GNB1: variants seen among roughly 807,000 people sequenced by gnomAD.
GNB1 encodes the protein G protein subunit beta 1.
GNB1 carries 2 observed loss-of-function variants against 42.9 expected under a neutral mutation model. That is an observed-to-expected ratio of 0.05 (90% CI 0.02 to 0.15). The LOEUF (loss-of-function observed/expected upper bound fraction) is 0.15. Among genes scored for constraint, GNB1 ranks in the 10% least tolerant of loss-of-function variants. The pLI, the probability that GNB1 is intolerant of heterozygous loss-of-function variation, is 1.00. For synonymous variants in GNB1, 183 were observed against 174.7 expected (o/e 1.05, Z -0.38); for missense variants, 193 against 462.2 (o/e 0.42, Z 5.34).
chr1:1,841,744 C>T (rs147836418), intron 1 of GNB1, among the ~76,000 whole-genome samples: 16 of 152,258 alleles, frequency 1.1e-4, no homozygotes, highest in Admixed American at 3.3e-4. Flanking sequence ...CAAGCAAGCA[C>T]GTACTTTTCC....
chr1:1,845,788 T>C (rs932276834), intron 1 of GNB1, among the ~76,000 whole-genome samples: 7 of 146,424 alleles, frequency 4.8e-5, no homozygotes, highest in Non-Finnish European at 9.1e-5. Flanking sequence ...TCTCTATACA[T>C]TTATTCCGCT....
chr1:1,874,361 C>A (rs1457431199), intron 1 of GNB1, among the ~76,000 whole-genome samples: 1 of 151,980 alleles, frequency 6.6e-6, no homozygotes, highest in Non-Finnish European at 1.5e-5. Context: ...GTAATCCTAG[C>A]ACTTTGGGAG....
At chr1:1,814,447 G>A (rs1318270085) in intron 5 of GNB1, among the ~76,000 whole-genome samples, 1 of 152,194 alleles carries the variant, frequency 6.6e-6, no homozygotes, top group African/African-American at 2.4e-5. Context: ...CTAAATCAGA[G>A]TGTGGGGTCA....
intron 7 of GNB1, among the ~76,000 whole-genome samples, chr1:1,802,851 T>G (rs934374341): frequency 2.0e-5 from 3 of 151,954 alleles, no homozygotes; most frequent in African/African-American, 2.4e-5. Flanking sequence ...TTTAAGTGAT[T>G]CTATTTGAAA....
At chr1:1,879,572 G>A (rs1200552079) in intron 1 of GNB1, among the ~76,000 whole-genome samples, 1 of 152,026 alleles carries the variant, frequency 6.6e-6, no homozygotes, top group Non-Finnish European at 1.5e-5. Flanking sequence ...AGGCGTGGTG[G>A]CAGGCACCTG....
intron 2 of GNB1, among the ~76,000 whole-genome samples, chr1:1,826,545 A>G (rs1041494462): frequency 3.3e-5 from 5 of 152,182 alleles, no homozygotes; most frequent in African/African-American, 1.2e-4. Flanking sequence ...CATCTCAGTA[A>G]CCATGAACCG....
intron 1 of GNB1, among the ~76,000 whole-genome samples, chr1:1,849,954 A>T (rs571423379): frequency 6.6e-6 from 1 of 151,900 alleles, no homozygotes; most frequent in Non-Finnish European, 1.5e-5. Context: ...AGTTTGCTAT[A>T]GTCTCACAAC....
intron 2 of GNB1, 145 bp downstream of exon 2, chr1:1,839,045 C>T (rs1390983058): frequency 1.3e-5 from 2 of 152,192 alleles, no homozygotes; most frequent in Admixed American, 1.3e-4. Context: ...CCCTTGACCC[C>T]AGGAGTTAGA....
At chr1:1,791,326 C>G (rs1211453180) in intron 8 of GNB1, among the ~76,000 whole-genome samples, 1 of 152,162 alleles carries the variant, frequency 6.6e-6, no homozygotes, top group Non-Finnish European at 1.5e-5. Context: ...CATGCGCCAC[C>G]ATGCCCGGCT....
Position 1,790,293 on chromosome 1 carries a change from C to A in GNB1, c.699+102G>T. ...TCTGTACATGAGGTTGTATAAGGAT[C>A]AGAAAGGAGAACATCTAATCCAGAA... On this transcript the variant is annotated intron_variant, in intron 9 of 11. Transcript: ENST00000378609. The surrounding 1 kb of genome is among the most constrained non-coding windows in gnomAD (Gnocchi z 5.4). 1 of 779,890 alleles carries A rather than the reference C, an allele frequency of 1.3e-6. No homozygotes were observed. The highest frequency in any genetic ancestry group is 2.2e-6 in the Non-Finnish European group (1 of 453,846). The allele number at this position is 779,890 out of a possible 1,614,324, so 48.3% of individuals were successfully genotyped here.
At position 1,811,979 on chromosome 1, in the gene GNB1, T is replaced by C. The variant is rs565730996; in HGVS notation, c.203+3777A>G. Among the ~76,000 whole-genome samples the C allele has an allele frequency of 2.0e-5, 3 of 151,346 alleles. 1 individual carries two copies. In the South Asian group the frequency reaches 6.3e-4, roughly 32 times the overall value. ...TACTCGGGAGGCTGAGGCAGGAGAATGGCGTGAACCTGGGAGGCAGAGCTT... is the reference window on the plus strand; with the variant it reads ...TACTCGGGAGGCTGAGGCAGGAGAACGGCGTGAACCTGGGAGGCAGAGCTT... On this transcript the variant is annotated intron_variant, in intron 5 of 11. Coordinates refer to ENST00000378609, the MANE Select transcript of GNB1 (RefSeq NM_002074.5).
At chr1:1,865,994 A>C (rs1004627199) in intron 1 of GNB1, among the ~76,000 whole-genome samples, 7 of 151,780 alleles carry the variant, frequency 4.6e-5, no homozygotes, top group African/African-American at 9.7e-5. Context: ...GCTGGAGTAC[A>C]ATGGCGCAAC....
At chr1:1,876,492 CGAGAGAGA>C (rs35226472) in intron 1 of GNB1, among the ~76,000 whole-genome samples, 1 of 147,832 alleles carries the variant, frequency 6.8e-6, no homozygotes, top group South Asian at 2.1e-4. Context: ...CATGTGCACA[CGAGAGAGA>C]GAGAGAGAGA....
At chr1:1,857,967 C>G (rs779439669) in intron 1 of GNB1, among the ~76,000 whole-genome samples, 1 of 152,114 alleles carries the variant, frequency 6.6e-6, no homozygotes, top group Non-Finnish European at 1.5e-5. Flanking sequence ...GGTGCCATAC[C>G]TCAAAAGACA....
intron 1 of GNB1, among the ~76,000 whole-genome samples, chr1:1,845,903 G>C (rs1438690022): frequency 2.0e-5 from 3 of 149,156 alleles, no homozygotes; most frequent in African/African-American, 7.5e-5. Context: ...CAACTGAAAG[G>C]TCTGGAAGCA....
intron 1 of GNB1, among the ~76,000 whole-genome samples, chr1:1,874,253 G>C (rs536875182): frequency 6.6e-6 from 1 of 152,088 alleles, no homozygotes; most frequent in Non-Finnish European, 1.5e-5. Context: ...GGCAGATCAC[G>C]AGGCCAGGAA....
intron 5 of GNB1, among the ~76,000 whole-genome samples, chr1:1,807,849 A>C (rs1646722922): frequency 2.0e-5 from 3 of 151,548 alleles, no homozygotes; most frequent in Admixed American, 2.0e-4. Flanking sequence ...CTGGGACTAC[A>C]GGCGCCCACC....
At chr1:1,890,734 G>A (rs1203241223) in intron 1 of GNB1, 86 bp downstream of exon 1, 10 of 148,636 alleles carry the variant, frequency 6.7e-5, no homozygotes, top group African/African-American at 2.2e-4. Context: ...CGACCGGCGG[G>A]TGGGGTGGGG....
At chr1:1,888,260 C>T (rs1650263332) in intron 1 of GNB1, among the ~76,000 whole-genome samples, 1 of 151,798 alleles carries the variant, frequency 6.6e-6, no homozygotes, top group Non-Finnish European at 1.5e-5. Context: ...GAAAGGTTCC[C>T]GCAGAAGATA....
Sources: allele counts gnomAD v4.1 joint callset (sites outside exome capture counted in the v4.1 genomes callset), GRCh38; gene constraint gnomAD v4.1.1; non-coding constraint Gnocchi (gnomAD v3.1); transcripts MANE v1.5; gene names NCBI Gene and HGNC (gene_info 2026-07-23, HGNC 2026-07-21).